Variants in CPED1 observed in about 807,000 individuals in gnomAD.
CPED1 encodes the protein cadherin like and PC-esterase domain containing 1.
In CPED1, 114 loss-of-function variants were observed where a neutral mutation model predicts 128.2. The observed-to-expected ratio is 0.89, with a 90% confidence interval of 0.76 to 1.04. The LOEUF (loss-of-function observed/expected upper bound fraction) is 1.04. CPED1 is among the 50% of genes least tolerant of loss of function. CPED1 has a pLI of 0.00. For missense variants in CPED1, 1,211 were observed against 1,207.1 expected (o/e 1.00, Z -0.05); for synonymous variants, 462 against 426.7 (o/e 1.08, Z -1.02).
intron 13 of CPED1, among the ~76,000 whole-genome samples, chr7:121,135,149 T>C (rs1176614666): frequency 1.3e-5 from 2 of 152,066 alleles, no homozygotes; most frequent in Admixed American, 6.6e-5. Context: ...TGGTGACTTA[T>C]ATTTTTCCTC....
At chr7:121,264,922 T>C (rs1290530030) in intron 18 of CPED1, among the ~76,000 whole-genome samples, 1 of 152,056 alleles carries the variant, frequency 6.6e-6, no homozygotes, top group Non-Finnish European at 1.5e-5. Flanking sequence ...TATTTCTTGA[T>C]AGGCTATGAG....
intron 16 of CPED1, among the ~76,000 whole-genome samples, chr7:121,190,448 G>T (rs537054067): frequency 1.8e-4 from 27 of 151,596 alleles, no homozygotes; most frequent in South Asian, 4.2e-4. Flanking sequence ...GGAGGACAGG[G>T]TGATTTTGAG....
chr7:121,185,797 G>A (rs188544347), intron 16 of CPED1, among the ~76,000 whole-genome samples: 31 of 152,302 alleles, frequency 2.0e-4, no homozygotes, highest in Non-Finnish European at 3.5e-4. Context: ...TTTCCTGATG[G>A]ATTTTTAGAT....
In CPED1 at chr7:121,296,289, A is replaced by G. The variant is rs938516927; in HGVS notation, c.*637A>G. ...GAAATATTTTATAGTTAAAACACCA[A>G]TATATTCAACTTTACACTTCTTGTG... On this transcript the variant is annotated 3_prime_UTR_variant, in exon 23 of 23. Transcript: ENST00000310396. 36 of 152,230 alleles carry G rather than the reference A, an allele frequency of 2.4e-4. No individual in the cohort carries two copies. The highest frequency in any genetic ancestry group is 8.4e-4 in the African/African-American group (35 of 41,460). 9.4% of individuals were successfully genotyped at this position (152,230 alleles called of 1,614,324 possible). A position where few individuals can be genotyped will look rare whatever the true frequency, so the allele number is the denominator to read the frequency against.
intron 4 of CPED1, among the ~76,000 whole-genome samples, chr7:121,054,504 T>A (rs911892176): frequency 4.6e-5 from 7 of 152,222 alleles, no homozygotes; most frequent in Non-Finnish European, 8.8e-5. Flanking sequence ...TTTTGTCTAA[T>A]AATATTCAGT....
intron 16 of CPED1, among the ~76,000 whole-genome samples, chr7:121,158,096 C>T (rs1796332866): frequency 6.6e-6 from 1 of 152,128 alleles, no homozygotes; most frequent in Non-Finnish European, 1.5e-5. Context: ...ATGAGACCTA[C>T]ATTGGTAATC....
chr7:121,173,847 C>T (rs1008717591), intron 16 of CPED1, among the ~76,000 whole-genome samples: 9 of 152,062 alleles, frequency 5.9e-5, no homozygotes, highest in Non-Finnish European at 1.0e-4. Flanking sequence ...ACACCCCCAC[C>T]AACAGTTTAT....
chr7:121,018,146 TA>T (rs1245768307), intron 3 of CPED1, among the ~76,000 whole-genome samples: 3 of 152,138 alleles, frequency 2.0e-5, no homozygotes. Context: ...AAATTTTTTT[TA>T]AAAAAGAGTT....
At chr7:121,124,539 G>C (rs1224232454) in intron 8 of CPED1, 66 bp downstream of exon 8, 3 of 1,241,630 alleles carry the variant, frequency 2.4e-6, no homozygotes, top group Non-Finnish European at 3.2e-6. Flanking sequence ...TTTAAAAATT[G>C]TTGGTGGAAA....
intron 13 of CPED1, 68 bp from the exon 14 acceptor site, chr7:121,135,972 C>A: frequency 8.3e-7 from 1 of 1,205,070 alleles, no homozygotes. Context: ...TATCTAATAG[C>A]TAAATGTATA....
At chr7:121,072,024 A>G (rs975445992) in intron 5 of CPED1, among the ~76,000 whole-genome samples, 1 of 151,994 alleles carries the variant, frequency 6.6e-6, no homozygotes, top group African/African-American at 2.4e-5. Context: ...TAATTCTGTC[A>G]CTTTCCCCAA....
chr7:121,224,677 C>T (rs769567426), intron 16 of CPED1, among the ~76,000 whole-genome samples: 120 of 151,956 alleles, frequency 7.9e-4, no homozygotes, highest in Non-Finnish European at 1.5e-3. Context: ...GGATAGTTAG[C>T]TCTTCTTGTT....
chr7:121,235,425 C>T (rs1489877496), intron 16 of CPED1, among the ~76,000 whole-genome samples: 1 of 152,114 alleles, frequency 6.6e-6, no homozygotes, highest in Non-Finnish European at 1.5e-5. Context: ...CACCATTCCT[C>T]TTGTTCCTTA....
At chr7:121,111,195 C>A (rs756122518) in intron 7 of CPED1, among the ~76,000 whole-genome samples, 2 of 152,176 alleles carry the variant, frequency 1.3e-5, no homozygotes, top group Non-Finnish European at 2.9e-5. Context: ...CCCTTGGTTG[C>A]TCTGTAACCT....
At chr7:121,161,884 AAAAT>A (rs1371740355) in intron 16 of CPED1, among the ~76,000 whole-genome samples, 6 of 152,218 alleles carry the variant, frequency 3.9e-5, no homozygotes, top group Non-Finnish European at 8.8e-5. Flanking sequence ...TTATTCAAAA[AAAAT>A]AAAATTATTT....
Position 121,125,800 on chromosome 7 carries a change from A to G in CPED1, c.1062-20A>G. On this transcript the variant is annotated intron_variant, in intron 8 of 22. Transcript: ENST00000310396. Reference sequence around the variant, plus strand: ...GTGCATGTATCTTTACTTTTATGGTACCTTGTGTTTTCATTTTAGATGCAG... The same window carrying G: ...GTGCATGTATCTTTACTTTTATGGTGCCTTGTGTTTTCATTTTAGATGCAG... 1 of 1,581,396 alleles carries G rather than the reference A, an allele frequency of 6.3e-7. No homozygotes were observed. The highest frequency in any genetic ancestry group is 8.7e-7 in the Non-Finnish European group (1 of 1,151,178).
At chr7:121,030,850 A>T (rs1792710228) in intron 3 of CPED1, among the ~76,000 whole-genome samples, 1 of 152,104 alleles carries the variant, frequency 6.6e-6, no homozygotes, top group Non-Finnish European at 1.5e-5. Flanking sequence ...GATAAGGGGG[A>T]CTACTATATT....
intron 2 of CPED1, among the ~76,000 whole-genome samples, chr7:121,000,771 A>T (rs1791831749): frequency 1.3e-5 from 2 of 152,206 alleles, no homozygotes; most frequent in Non-Finnish European, 2.9e-5. Context: ...GAAGCCTAGC[A>T]GATCATGGGT....
chr7:121,117,077 TTATA>T (rs34007948), intron 7 of CPED1, among the ~76,000 whole-genome samples: 1,877 of 128,738 alleles, frequency 0.015, 31 homozygotes, highest in African/African-American at 0.031. Context: ...TATATACACA[TTATA>T]TATATATATA....
Sources: allele counts gnomAD v4.1 joint callset (sites outside exome capture counted in the v4.1 genomes callset), GRCh38; gene constraint gnomAD v4.1.1; transcripts MANE v1.5; gene names NCBI Gene and HGNC (gene_info 2026-07-23, HGNC 2026-07-21).